The following TSPAN2 variants were observed in gnomAD, a reference collection of about 807,000 sequenced individuals.
TSPAN2 encodes tetraspanin 2, also known as tetraspanin-2.
In TSPAN2, 24 loss-of-function variants were observed where a neutral mutation model predicts 33.3. That is an observed-to-expected ratio of 0.72 (90% confidence interval 0.52 to 1.01). The LOEUF (loss-of-function observed/expected upper bound fraction) is 1.01. TSPAN2 is among the 50% of genes least tolerant of loss of function. TSPAN2 has a pLI of 0.00. For synonymous variants in TSPAN2, 114 were observed against 104.5 expected (o/e 1.09, Z -0.56); for missense variants, 278 against 281.3 (o/e 0.99, Z 0.08).
chr1:115,081,763 G>A (rs1648632846), intron 1 of TSPAN2, among the ~76,000 whole-genome samples: 1 of 152,212 alleles, frequency 6.6e-6, no homozygotes, highest in Non-Finnish European at 1.5e-5. Context: ...TGGTAGACTT[G>A]CTAATGTTAC....
At chr1:115,065,258 G>C (rs114130703) in intron 2 of TSPAN2, among the ~76,000 whole-genome samples, 4,065 of 152,302 alleles carry the variant, frequency 0.027, 180 homozygotes, top group African/African-American at 0.092. Flanking sequence ...CATGCCATAA[G>C]GCCACCTGTG....
chr1:115,083,521 C>A (rs1377417589), intron 1 of TSPAN2, among the ~76,000 whole-genome samples: 5 of 152,160 alleles, frequency 3.3e-5, no homozygotes, highest in Non-Finnish European at 7.3e-5. Context: ...AATCTCTGAC[C>A]TCTTCAGGCC....
intron 2 of TSPAN2, among the ~76,000 whole-genome samples, chr1:115,072,120 A>G (rs1648199363): frequency 6.6e-6 from 1 of 152,186 alleles, no homozygotes; most frequent in Non-Finnish European, 1.5e-5. Flanking sequence ...GGGAATGAGG[A>G]AAGGTCACAG....
chr1:115,061,060 G>A (rs985388544), intron 3 of TSPAN2, among the ~76,000 whole-genome samples: 6 of 152,176 alleles, frequency 3.9e-5, no homozygotes, highest in Admixed American at 3.9e-4. Flanking sequence ...ATGGATTTCT[G>A]TTCTGGTCTA....
At position 115,072,992 on chromosome 1, in the gene TSPAN2, C is replaced by G; in HGVS notation, c.85G>C (p.Val29Leu). 6.2e-7 allele frequency: 1 copy of G among 1,614,170 alleles called. No individual in the cohort carries two copies. Among genetic ancestry groups the G allele is most frequent in the Non-Finnish European group, 8.5e-7 (1 of 1,180,008 alleles). ...NLLFWLAGSA[V>L]IAFGLWFRFG... The stretch of plus-strand genomic sequence containing the variant: ...CGAAACCATAGTCCAAAAGCAATGA[C>G]GGCCGATCCAGCCAGCTGGAAGGCA... The change falls in exon 2 of 8, where the codon GTC becomes CTC. Residue 29 changes from valine (V) to leucine (L), a missense_variant. Coordinates refer to ENST00000369516, the MANE Select transcript of TSPAN2 (RefSeq NM_005725.6).
chr1:115,073,042 G>C lies in TSPAN2; in HGVS notation c.70-35C>G, dbSNP rs759115854. 7 of 1,569,868 alleles carry C rather than the reference G, an allele frequency of 4.5e-6. No homozygotes were observed. The Admixed American group carries it at 6.7e-5, about 15-fold the overall frequency. The stretch of plus-strand genomic sequence containing the variant: ...AAACGACACTGTGTTTACAGTGGAA[G>C]GGGAAAGAGCATGCACAGATCCGAG... On this transcript the variant is annotated intron_variant, in intron 1 of 7. Coordinates refer to ENST00000369516, the MANE Select transcript of TSPAN2 (RefSeq NM_005725.6).
intron 7 of TSPAN2, among the ~76,000 whole-genome samples, chr1:115,051,706 TATGA>T (rs1321914643): frequency 6.6e-6 from 1 of 152,116 alleles, no homozygotes; most frequent in African/African-American, 2.4e-5. Flanking sequence ...TTCAATAAGA[TATGA>T]ATGATCAGTT....
intron 2 of TSPAN2, among the ~76,000 whole-genome samples, chr1:115,064,432 A>G (rs957943746): frequency 2.0e-5 from 3 of 152,224 alleles, no homozygotes; most frequent in African/African-American, 7.2e-5. Flanking sequence ...GTCACAGCCT[A>G]CAGAACAGTT....
chr1:115,076,502 G>A (rs931400529), intron 1 of TSPAN2, among the ~76,000 whole-genome samples: 7 of 152,160 alleles, frequency 4.6e-5, no homozygotes, highest in African/African-American at 1.4e-4. Flanking sequence ...GAGGACCAGG[G>A]ACAGGACACC....
intron 6 of TSPAN2, among the ~76,000 whole-genome samples, 164 bp from the exon 7 acceptor site, chr1:115,053,626 C>T (rs979878783): frequency 6.6e-6 from 1 of 152,158 alleles, no homozygotes; most frequent in Admixed American, 6.5e-5. Flanking sequence ...TCCTAATAAG[C>T]TTAATGCAAA....
At chr1:115,065,505 T>C (rs547900413) in intron 2 of TSPAN2, among the ~76,000 whole-genome samples, 1 of 152,350 alleles carries the variant, frequency 6.6e-6, no homozygotes, top group South Asian at 2.1e-4. Flanking sequence ...ATTTTCATCA[T>C]GAATAGCTGG....
intron 2 of TSPAN2, among the ~76,000 whole-genome samples, chr1:115,065,962 A>G (rs1358262155): frequency 6.6e-6 from 1 of 152,024 alleles, no homozygotes; most frequent in Non-Finnish European, 1.5e-5. Context: ...CATGAGATCC[A>G]CTTATTCAGT....
chr1:115,063,022 T>C (rs185217328), intron 2 of TSPAN2, among the ~76,000 whole-genome samples: 1 of 152,370 alleles, frequency 6.6e-6, no homozygotes, highest in African/African-American at 2.4e-5. Context: ...TTTCCTGCTG[T>C]TCTAGCTCTA....
In TSPAN2 at chr1:115,072,812, C is replaced by A. The variant is rs73008215; in HGVS notation, c.172+93G>T. ...TCTTTCCCTGCCTCTCTGCCCTCCC[C>A]CTCCCACCAAAGTTCAAGTGCAGCT... On this transcript the variant is annotated intron_variant, in intron 2 of 7. Coordinates refer to ENST00000369516, the MANE Select transcript of TSPAN2 (RefSeq NM_005725.6). The A allele has an allele frequency of 1.5e-3, 1,680 of 1,109,908 alleles. 13 individuals are homozygous for A. The African/African-American group carries it at 0.022, about 14-fold the overall frequency. 68.8% of individuals were successfully genotyped at this position (1,109,908 alleles called of 1,614,324 possible). A position where few individuals can be genotyped will look rare whatever the true frequency, so the allele number is the denominator to read the frequency against.
chr1:115,054,087 G>A (rs912214419), intron 6 of TSPAN2, among the ~76,000 whole-genome samples: 1 of 152,162 alleles, frequency 6.6e-6, no homozygotes, highest in South Asian at 2.1e-4. Context: ...GATTCAAAGG[G>A]CCTTCATGGA....
chr1:115,072,008 A>G (rs1648195319), intron 2 of TSPAN2, among the ~76,000 whole-genome samples: 1 of 152,158 alleles, frequency 6.6e-6, no homozygotes, highest in Non-Finnish European at 1.5e-5. Flanking sequence ...AGCTTACTCT[A>G]TGGCTGGTGC....
At chr1:115,077,973 CA>C (rs1354099990) in intron 1 of TSPAN2, among the ~76,000 whole-genome samples, 1 of 152,118 alleles carries the variant, frequency 6.6e-6, no homozygotes, top group Non-Finnish European at 1.5e-5. Flanking sequence ...CTAAGTCCAG[CA>C]AAAAAGCCCC....
intron 1 of TSPAN2, among the ~76,000 whole-genome samples, chr1:115,074,335 C>G (rs17478965): frequency 6.6e-6 from 1 of 152,010 alleles, no homozygotes; most frequent in African/African-American, 2.4e-5. Context: ...GACTTTATCC[C>G]TCTTCTCCTT....
intron 3 of TSPAN2, among the ~76,000 whole-genome samples, chr1:115,061,783 C>T (rs1396497516): frequency 6.6e-6 from 1 of 152,086 alleles, no homozygotes; most frequent in Non-Finnish European, 1.5e-5. Context: ...AGTGATCCTC[C>T]TGCCTCAGCC....
Sources: gnomAD v4.1 joint callset for allele counts (sites outside exome capture counted in the v4.1 genomes callset) on GRCh38, gnomAD v4.1.1 for gene constraint, MANE v1.5 for transcripts, NCBI Gene and HGNC (gene_info 2026-07-23, HGNC 2026-07-21) for gene names.